UBXN11: variants seen among roughly 807,000 people sequenced by gnomAD.
UBXN11 encodes the protein UBX domain protein 11, also known as UBX domain-containing protein 11.
In UBXN11, 47 loss-of-function variants were observed where a neutral mutation model predicts 62.8. The ratio of observed to expected loss-of-function variants is 0.75; its 90% CI spans 0.59 to 0.95. The LOEUF is 0.95. UBXN11 is among the 40% of genes least tolerant of loss of function. The pLI is 0.00. For synonymous variants in UBXN11, 294 were observed against 267.0 expected, an observed-to-expected ratio of 1.10 and a Z score of -0.99; for missense variants, 638 against 661.7, an observed-to-expected ratio of 0.96 and a Z score of 0.39.
chr1:26,309,873 G>GA (rs1376170517), upstream of UBXN11, among the ~76,000 whole-genome samples: 3 of 152,038 alleles, frequency 2.0e-5, no homozygotes, highest in Non-Finnish European at 4.4e-5. Flanking sequence ...GACAACAGCT[G>GA]AAAAAAATAT....
chr1:26,285,960 C>A lies in UBXN11; in HGVS notation c.637G>T (p.Glu213Ter), dbSNP rs747292215. ...SLQDLSELVV[E>*]GDTQVTPVPG... is the part of the protein sequence containing the mutation. ...ACTGGTGTCACTTGGGTGTCACCCT[C>A]TACCACCAGCTCACTAAGATCCTGC... Residue 213 changes from glutamate (E) to a stop codon, truncating the protein, a stop_gained, in exon 9 of 15, where the codon GAG (glutamate) becomes TAG (stop). Coordinates refer to ENST00000374222, the MANE Select transcript of UBXN11 (RefSeq NM_001389556.1). LOFTEE classifies it high-confidence loss of function. The A allele has an allele frequency of 1.2e-6, 2 of 1,613,652 alleles. No individual in the cohort carries two copies. Among genetic ancestry groups the A allele is most frequent in the East Asian group, 4.5e-5 (2 of 44,870 alleles).
chr1:26,288,848 T>G (rs1382125160), intron 8 of UBXN11, among the ~76,000 whole-genome samples: 1 of 152,176 alleles, frequency 6.6e-6, no homozygotes. Flanking sequence ...CCTTATGAGC[T>G]GTCACGCCCC....
upstream of UBXN11, among the ~76,000 whole-genome samples, chr1:26,310,914 C>T (rs995632249): frequency 4.6e-5 from 7 of 151,984 alleles, no homozygotes; most frequent in South Asian, 6.2e-4. Flanking sequence ...GAGACCCATC[C>T]GACCACTTCC....
At position 26,286,034 on chromosome 1, in the gene UBXN11, T is replaced by TC. The variant is rs761889625; in HGVS notation, c.562dup (p.Asp188GlyfsTer7). The TC allele has an allele frequency of 3.6e-5, 58 of 1,599,230 alleles. No homozygotes were observed. Among genetic ancestry groups the TC allele is most frequent in the Non-Finnish European group, 4.4e-5 (52 of 1,169,834 alleles). ...GTCCACCTCAGGGGGCGCCAATGAG[T>TC]CCCCTGGCAAAGAGGACAGACACCT... On this transcript the variant is annotated frameshift_variant, in exon 9 of 15. Coordinates refer to ENST00000374222, the MANE Select transcript of UBXN11 (RefSeq NM_001389556.1). LOFTEE classifies it high-confidence loss of function.
At chr1:26,297,403 G>A in intron 6 of UBXN11, 24 bp downstream of exon 6, 2 of 1,522,046 alleles carry the variant, frequency 1.3e-6, no homozygotes, top group Non-Finnish European at 1.8e-6. Context: ...GGGGGCGCAG[G>A]TCAGCCCTCC....
At chr1:26,314,645 C>T (rs1214656678) in intron 1 of UBXN11, among the ~76,000 whole-genome samples, 1 of 152,110 alleles carries the variant, frequency 6.6e-6, no homozygotes, top group Non-Finnish European at 1.5e-5. Context: ...CTCATTCTTC[C>T]GGCAGTCCCT....
Position 26,282,768 on chromosome 1 carries a change from C to T in UBXN11, c.1173G>A (p.Thr391=), listed in dbSNP as rs7522905. Residue 391 remains threonine, a synonymous_variant, in exon 14 of 15, where the codon ACG becomes ACA. Coordinates refer to ENST00000374222, the MANE Select transcript of UBXN11 (RefSeq NM_001389556.1). ...GCAGCATGGAGAGCGGGGGTGCCGG[C>T]GTGTTGGGTGACTCCTGGCTCCTGC... The part of the protein sequence containing the change: ...ERERSQESPN[T]PAPPLSMLRI... 967,664 of 1,613,890 alleles carry T rather than the reference C, an allele frequency of 0.6. 301,250 individuals are homozygous for T. The highest frequency in any genetic ancestry group is 0.66 in the Non-Finnish European group (774,827 of 1,179,954).
chr1:26,294,270 T>C lies in UBXN11; in HGVS notation c.494A>G (p.Glu165Gly), dbSNP rs6695966. ...VGEPMDQEDS[E>G]SKTVSEHGER... is the part of the protein sequence containing the mutation. ...GCCATGCTCTGAGACTGTCTTGCTC[T>C]CTGAGTCCTCCTGGTCCATGGGCTC... Residue 165 changes from glutamate (E) to glycine (G), a missense_variant, in exon 8 of 15, where the codon GAG (glutamate) becomes GGG (glycine). By Grantham distance (98) the Glu-to-Gly change is moderately conservative. Coordinates refer to ENST00000374222, the MANE Select transcript of UBXN11 (RefSeq NM_001389556.1). The C allele has an allele frequency of 3.5e-3, 5,573 of 1,614,160 alleles. 132 individuals carry two copies. In the African/African-American group the frequency reaches 0.061, roughly 18 times the overall value.
At chr1:26,308,343 C>CATA (rs1286195828), upstream of UBXN11, among the ~76,000 whole-genome samples, 15 of 151,954 alleles carry the variant, frequency 9.9e-5, no homozygotes, top group African/African-American at 3.6e-4. Flanking sequence ...CAGCGGCTTG[C>CATA]ATAAGATTAT....
In UBXN11 at chr1:26,282,344, ACCGGGACCGGGACTGGGG is replaced by A. The variant is rs1179924734; in HGVS notation, c.1500_1517del (p.Ser502_Pro507del). ...GTCCAGGACAGGGACTGGGGCCGGG[ACCGGGACCGGGACTGGGG>A]CCGGGACCGGGACCGGGACTGGGGC... On this transcript the variant is annotated inframe_deletion, in exon 15 of 15. Transcript: ENST00000374222. 323 of 1,270,558 alleles carry A rather than the reference ACCGGGACCGGGACTGGGG, an allele frequency of 2.5e-4. 4 individuals carry two copies. Among genetic ancestry groups the A allele is most frequent in the African/African-American group, 1.4e-3 (70 of 49,728 alleles). 78.7% of individuals were successfully genotyped at this position (1,270,558 alleles called of 1,614,324 possible).
intron 12 of UBXN11, 147 bp from the exon 13 acceptor site, chr1:26,283,084 GGA>G: frequency 9.6e-7 from 1 of 1,041,138 alleles, no homozygotes; most frequent in Non-Finnish European, 1.4e-6. Flanking sequence ...CAAGGCCAGA[GGA>G]GAGGCAATGG....
At chr1:26,306,835 G>GGGTT (rs2073681857), upstream of UBXN11, 1 of 84,518 alleles carries the variant, frequency 1.2e-5, no homozygotes, top group African/African-American at 4.1e-5. Flanking sequence ...GGGGTGGGGG[G>GGGTT]GGGGGGTGGT....
At position 26,282,748 on chromosome 1, in the gene UBXN11, A is replaced by G. The variant is rs762678285; in HGVS notation, c.1193T>C (p.Met398Thr). The change falls in exon 14 of 15, where the codon ATG becomes ACG. Residue 398 changes from methionine to threonine, a missense_variant. Coordinates refer to ENST00000374222, the MANE Select transcript of UBXN11 (RefSeq NM_001389556.1). ...CCCATTCTCAGACTTGATGCGCAGC[A>G]TGGAGAGCGGGGGTGCCGGCGTGTT... is the stretch of plus-strand genomic sequence containing the variant. Reference protein sequence around the residue: ...SPNTPAPPLSMLRIKSENGEQ... With the variant: ...SPNTPAPPLSTLRIKSENGEQ... The G allele has an allele frequency of 1.2e-6, 2 of 1,614,178 alleles. No individual in the cohort carries two copies. Among genetic ancestry groups the G allele is most frequent in the South Asian group, 2.2e-5 (2 of 91,086 alleles).
intron 7 of UBXN11, among the ~76,000 whole-genome samples, chr1:26,295,904 G>GGA (rs2073380778): frequency 6.6e-6 from 1 of 152,248 alleles, no homozygotes; most frequent in African/African-American, 2.4e-5. Flanking sequence ...ACTGTGTGGC[G>GGA]GAGACGCATG....
chr1:26,318,043 T>G (rs1172869991), intron 1 of UBXN11: 1 of 1,614,000 alleles, frequency 6.2e-7, no homozygotes, highest in East Asian at 2.2e-5. Flanking sequence ...TTCCTCCTAC[T>G]CACCATCAGC....
intron 1 of UBXN11, chr1:26,317,834 C>A (rs1258863545): frequency 3.4e-6 from 2 of 594,060 alleles, no homozygotes; most frequent in African/African-American, 1.9e-5. Flanking sequence ...GTATTATCCA[C>A]CCCCAGATCT....
chr1:26,309,735 A>G (rs1353154169), upstream of UBXN11, among the ~76,000 whole-genome samples: 1 of 152,156 alleles, frequency 6.6e-6, no homozygotes, highest in Non-Finnish European at 1.5e-5. Context: ...TTCCTGCTCA[A>G]GATACTTCAC....
At chr1:26,297,021 T>C (rs1395747804) in intron 6 of UBXN11, 26 bp from the exon 7 acceptor site, 1 of 1,584,368 alleles carries the variant, frequency 6.3e-7, no homozygotes, top group South Asian at 1.1e-5. Flanking sequence ...GGGACAGGCT[T>C]CAGCTGCCCC....
intron 9 of UBXN11, 133 bp downstream of exon 9, chr1:26,285,690 T>A: frequency 7.2e-7 from 1 of 1,379,726 alleles, no homozygotes; most frequent in Non-Finnish European, 9.7e-7. Context: ...GAGAGGGGCC[T>A]CTGCAAGTCG....
Sources: gnomAD v4.1 joint callset for allele counts (sites outside exome capture counted in the v4.1 genomes callset) on GRCh38, gnomAD v4.1.1 for gene constraint, MANE v1.5 for transcripts, NCBI Gene and HGNC (gene_info 2026-07-23, HGNC 2026-07-21) for gene names.